BACE2: variants seen among roughly 807,000 people sequenced by gnomAD.
BACE2 encodes beta-secretase 2, also known as 56 kDa aspartic-like protease.
Under a neutral mutation model 46.2 loss-of-function variants are expected in BACE2, and 17 were observed. The observed-to-expected ratio is 0.37, with a 90% confidence interval of 0.25 to 0.55. BACE2 has a LOEUF of 0.55. Ranked by LOEUF, BACE2 falls within the 20% of genes least tolerant of loss-of-function variation. BACE2 has a pLI of 0.82. For missense variants in BACE2, 595 were observed against 698.1 expected (o/e 0.85, Z 1.66); for synonymous variants, 277 against 295.9 (o/e 0.94, Z 0.66).
chr21:41,214,241 C>T (rs1469689011), intron 1 of BACE2, among the ~76,000 whole-genome samples: 1 of 152,172 alleles, frequency 6.6e-6, no homozygotes, highest in South Asian at 2.1e-4. Context: ...CCAAGCCCTG[C>T]GTGCATTCAG....
chr21:41,205,301 T>TCA (rs1986091244), intron 1 of BACE2, among the ~76,000 whole-genome samples: 1 of 152,228 alleles, frequency 6.6e-6, no homozygotes, highest in South Asian at 2.1e-4. Flanking sequence ...AGAAATTAAG[T>TCA]CACATTTTCT....
chr21:41,209,303 C>T (rs1156463388), intron 1 of BACE2, among the ~76,000 whole-genome samples: 2 of 152,208 alleles, frequency 1.3e-5, no homozygotes, highest in African/African-American at 2.4e-5. Flanking sequence ...TCGCCCGAGC[C>T]GGGCTGGGAA....
intron 1 of BACE2, among the ~76,000 whole-genome samples, chr21:41,170,288 G>A (rs1157129947): frequency 6.6e-6 from 1 of 152,056 alleles, no homozygotes; most frequent in South Asian, 2.1e-4. Flanking sequence ...AAAATGATGA[G>A]GTTTAATTAA....
At chr21:41,268,590 C>T (rs1229995033) in intron 8 of BACE2, among the ~76,000 whole-genome samples, 1 of 152,086 alleles carries the variant, frequency 6.6e-6, no homozygotes, top group Non-Finnish European at 1.5e-5. Context: ...AACTTAAAAA[C>T]AAAATCCATG....
intron 8 of BACE2, among the ~76,000 whole-genome samples, chr21:41,267,772 G>A (rs952014119): frequency 2.0e-5 from 3 of 151,980 alleles, no homozygotes; most frequent in Non-Finnish European, 2.9e-5. Flanking sequence ...CAGATTTTCC[G>A]TAGCTTTCAC....
chr21:41,205,411 T>C (rs1986094018), intron 1 of BACE2, among the ~76,000 whole-genome samples: 1 of 152,238 alleles, frequency 6.6e-6, no homozygotes, highest in Non-Finnish European at 1.5e-5. Context: ...CTCCTTGCAA[T>C]TATTCTAGAT....
chr21:41,180,167 G>T (rs183921868), intron 1 of BACE2: 180 of 225,908 alleles, frequency 8.0e-4, no homozygotes, highest in Non-Finnish European at 1.2e-3. Context: ...CAGGGTGAGG[G>T]TGGTAACTTC....
intron 5 of BACE2, among the ~76,000 whole-genome samples, chr21:41,243,974 C>T (rs192074031): frequency 2.2e-4 from 34 of 152,314 alleles, no homozygotes; most frequent in Admixed American, 1.6e-3. Context: ...CCCTAAAAAA[C>T]GGTCATGCTG....
intron 8 of BACE2, among the ~76,000 whole-genome samples, chr21:41,271,306 T>C (rs2088431780): frequency 6.6e-6 from 1 of 152,188 alleles, no homozygotes; most frequent in African/African-American, 2.4e-5. Flanking sequence ...CAACAGTCTA[T>C]AGGCTGAATC....
At chr21:41,174,849 G>A (rs1053969010) in intron 1 of BACE2, among the ~76,000 whole-genome samples, 1 of 152,160 alleles carries the variant, frequency 6.6e-6, no homozygotes, top group African/African-American at 2.4e-5. Context: ...GCCTTGGTGA[G>A]ACACTGGGGT....
chr21:41,231,033 A>C (rs1221243509), intron 2 of BACE2, among the ~76,000 whole-genome samples: 1 of 152,196 alleles, frequency 6.6e-6, no homozygotes, highest in African/African-American at 2.4e-5. Flanking sequence ...AAGCTCACAG[A>C]GCAAGAGACC....
At chr21:41,271,209 T>C (rs1299679093) in intron 8 of BACE2, among the ~76,000 whole-genome samples, 3 of 148,508 alleles carry the variant, frequency 2.0e-5, no homozygotes, top group African/African-American at 7.9e-5. Context: ...GAGTTTCCTG[T>C]AGGGAGAATA....
intron 5 of BACE2, among the ~76,000 whole-genome samples, chr21:41,245,635 G>A (rs2123608445): frequency 6.6e-6 from 1 of 152,360 alleles, no homozygotes; most frequent in South Asian, 2.1e-4. Flanking sequence ...TCTGCCCTGG[G>A]GCAGGAGTGC....
At chr21:41,251,501 G>A (rs371229889) in intron 7 of BACE2, among the ~76,000 whole-genome samples, 62 of 152,308 alleles carry the variant, frequency 4.1e-4, no homozygotes, top group South Asian at 1.2e-3. Flanking sequence ...TCCTGTTTAC[G>A]TATAAAGAAT....
chr21:41,170,078 G>C (rs937216376), intron 1 of BACE2, among the ~76,000 whole-genome samples: 3 of 152,150 alleles, frequency 2.0e-5, no homozygotes, highest in African/African-American at 7.2e-5. Flanking sequence ...GCTTTGATGC[G>C]AGGGAATTCT....
chr21:41,194,270 C>T (rs555083641), intron 1 of BACE2, among the ~76,000 whole-genome samples: 4 of 152,300 alleles, frequency 2.6e-5, no homozygotes, highest in Admixed American at 2.0e-4. Context: ...CTGATTGCTG[C>T]TTTGCCTCTG....
intron 1 of BACE2, among the ~76,000 whole-genome samples, chr21:41,168,976 A>G (rs1348695067): frequency 1.2e-5 from 1 of 84,372 alleles, no homozygotes; most frequent in Admixed American, 1.3e-4. Context: ...CCTCGTGTTC[A>G]TACCCTCCCT....
intron 1 of BACE2, among the ~76,000 whole-genome samples, chr21:41,224,711 G>A (rs1486898744): frequency 6.6e-6 from 1 of 152,140 alleles, no homozygotes; most frequent in Non-Finnish European, 1.5e-5. Context: ...TGGGATACAG[G>A]GCAACAGCCC....
chr21:41,275,678 T>C lies in BACE2; in HGVS notation c.*54T>C. 1 of 1,592,932 alleles carries C rather than the reference T, an allele frequency of 6.3e-7. No homozygotes were observed. On this transcript the variant is annotated 3_prime_UTR_variant, in exon 9 of 9. Transcript: ENST00000330333. ...GAACTCAGCTATTAAGAAAATCACA[T>C]TTCCAGGGCAGCAGCCGGGATCGAT...
Sources: allele counts gnomAD v4.1 joint callset (sites outside exome capture counted in the v4.1 genomes callset), GRCh38; gene constraint gnomAD v4.1.1; transcripts MANE v1.5; gene names NCBI Gene and HGNC (gene_info 2026-07-23, HGNC 2026-07-21).